Variants in ARSD observed in about 807,000 individuals in gnomAD.
ARSD encodes arylsulfatase D.
A neutral mutation model predicts 32.6 loss-of-function variants in ARSD; 21 were observed. The observed-to-expected ratio is 0.64, with a 90% CI of 0.46 to 0.93. The LOEUF (loss-of-function observed/expected upper bound fraction) is 0.93. Ranked by LOEUF, ARSD falls within the 40% of genes least tolerant of loss-of-function variation. ARSD has a pLI of 0.00. For synonymous variants in ARSD, 224 were observed against 237.4 expected, an observed-to-expected ratio of 0.94 and a Z score of 0.52; for missense variants, 454 against 520.9, an observed-to-expected ratio of 0.87 and a Z score of 1.25.
chrX:2,929,191 C>G, intron 1 of ARSD, 41 bp downstream of exon 1: 1 of 1,032,523 alleles, frequency 9.7e-7, no homozygotes, highest in South Asian at 2.8e-5. Flanking sequence ...AGGCCCCCAC[C>G]CTAGGCCTTA....
At chrX:2,917,780 C>G (rs1413113849) in intron 5 of ARSD, 24 bp downstream of exon 5, 1 of 1,188,706 alleles carries the variant, frequency 8.4e-7, no homozygotes, top group Non-Finnish European at 1.1e-6. Context: ...CCCATCTCCT[C>G]TTTAAGATGC....
In ARSD at chrX:2,917,888, C is replaced by G. The variant is rs1438788294; in HGVS notation, c.779G>C (p.Arg260Thr). ...GGGTTGCTCCGTGACGTCATGGTTT[C>G]TCATCAGGATACAGTTCCAGCGTCG... is the stretch of plus-strand genomic sequence containing the variant. ...FVRRWNCILM[R>T]NHDVTEQPMV... The change falls in exon 5 of 10, where the codon AGA (arginine) becomes ACA (threonine). Residue 260 changes from arginine to threonine, a missense_variant. Arg to Thr is a moderately conservative substitution (Grantham distance 71, BLOSUM62 -1). Transcript: ENST00000381154. The G allele has an allele frequency of 8.2e-7, 1 of 1,212,159 alleles. No individual in the cohort carries two copies. The highest frequency in any genetic ancestry group is 1.1e-6 in the Non-Finnish European group (1 of 895,483).
Position 2,917,995 on chromosome X carries a change from A to G in ARSD, c.672T>C (p.Ser224=), listed in dbSNP as rs755776843. The change falls in exon 5 of 10, where the codon TCT becomes TCC. Residue 224 remains serine, a synonymous_variant. Transcript: ENST00000381154. ...LAAGQTCGFF[S]VSARAVTGMA... ...TGCCGGTGACTGCTCTCGCGGAGAC[A>G]GAGAAGAAACCGCAGGTCTGGCCGG... is the stretch of plus-strand genomic sequence containing the variant. 5 of 1,209,804 alleles carry G rather than the reference A, an allele frequency of 4.1e-6. No homozygotes were observed. The highest frequency in any genetic ancestry group is 5.6e-6 in the Non-Finnish European group (5 of 894,375).
intron 2 of ARSD, among the ~76,000 whole-genome samples, chrX:2,922,868 AAAAG>A (rs1231080641): frequency 1.0e-5 from 1 of 95,824 alleles, no homozygotes; most frequent in African/African-American, 4.3e-5. Flanking sequence ...AAAAAAAAAA[AAAAG>A]AAAGAAAAGA....
At chrX:2,910,859 T>G (rs771498555) in intron 6 of ARSD, 66 bp from the exon 7 acceptor site, 55 of 1,132,802 alleles carry the variant, frequency 4.9e-5, no homozygotes, top group Non-Finnish European at 6.5e-5. Flanking sequence ...TCAATGCGCT[T>G]CTTCCTTTCT....
At chrX:2,922,556 C>T (rs188953283) in intron 2 of ARSD, among the ~76,000 whole-genome samples, 311 of 109,485 alleles carry the variant, frequency 2.8e-3, no homozygotes, top group Non-Finnish European at 4.7e-3. Flanking sequence ...CTGTGAGGGC[C>T]GGGCACGGTG....
Position 2,907,557 on chromosome X carries a change from C to G in ARSD, c.1496G>C (p.Gly499Ala). 2 of 1,156,334 alleles carry G rather than the reference C, an allele frequency of 1.7e-6. No homozygotes were observed. Among genetic ancestry groups the G allele is most frequent in the South Asian group, 2.0e-5 (1 of 48,783 alleles). Residue 499 changes from glycine to alanine, a missense_variant, in exon 10 of 10, where the codon GGC becomes GCC. Gly to Ala is a moderately conservative substitution (Grantham distance 60). Around this residue, in one of 3 missense-constraint regions of ARSD, gnomAD observed 179 missense variants for 198.5 expected, o/e 0.90. Coordinates refer to ENST00000381154, the MANE Select transcript of ARSD (RefSeq NM_001669.4). ...PEGAGACYGRGVCPCSGEGVT... is the reference protein window; with the variant it reads ...PEGAGACYGRAVCPCSGEGVT... ...GCCCTCCCCGGAGCATGGGCAGACGCCTCGGCCGTAGCAGGCCCCCGCTCC... is the reference window on the plus strand; with the variant it reads ...GCCCTCCCCGGAGCATGGGCAGACGGCTCGGCCGTAGCAGGCCCCCGCTCC...
At chrX:2,918,365 T>C in intron 4 of ARSD, 138 bp from the exon 5 acceptor site, 2 of 566,205 alleles carry the variant, frequency 3.5e-6, no homozygotes, top group Non-Finnish European at 5.5e-6. Flanking sequence ...AGGCAATGAA[T>C]GGATTGGATA....
chrX:2,923,121 AG>A, intron 2 of ARSD: 1 of 183,742 alleles, frequency 5.4e-6, no homozygotes, highest in Non-Finnish European at 1.0e-5. Context: ...GTGCTGAGAG[AG>A]TTGGAGGAGT....
intron 6 of ARSD, chrX:2,914,206 T>C: frequency 1.3e-6 from 1 of 754,361 alleles, no homozygotes; most frequent in Non-Finnish European, 1.6e-6. Context: ...ATGAGAGAAG[T>C]TTTTCTCCCT....
intron 9 of ARSD, 44 bp from the exon 10 acceptor site, chrX:2,907,676 C>G (rs1388182677): frequency 2.8e-6 from 3 of 1,088,305 alleles, no homozygotes; most frequent in Non-Finnish European, 3.6e-6. Flanking sequence ...GAAATCCACG[C>G]AGGTGTGAAC....
At chrX:2,927,945 C>G (rs1294600005) in intron 1 of ARSD, among the ~76,000 whole-genome samples, 1 of 112,032 alleles carries the variant, frequency 8.9e-6, no homozygotes, top group Admixed American at 9.5e-5. Flanking sequence ...TGTACCCGGG[C>G]CCTTGAGCCG....
intron 6 of ARSD, chrX:2,914,054 G>A (rs959198731): frequency 1.9e-4 from 123 of 640,666 alleles, no homozygotes; most frequent in Admixed American, 2.5e-4. Flanking sequence ...TGTGCAGCCT[G>A]CAGAACCGTG....
intron 3 of ARSD, 137 bp from the exon 4 acceptor site, chrX:2,920,860 G>GA: frequency 1.3e-6 from 1 of 789,427 alleles, no homozygotes; most frequent in Non-Finnish European, 1.8e-6. Flanking sequence ...CATCTATCAT[G>GA]TATGGAGCTA....
chrX:2,922,019 G>A lies in ARSD; in HGVS notation c.200C>T (p.Pro67Leu), dbSNP rs754641237. Residue 67 changes from proline to leucine, a missense_variant, in exon 3 of 10, where the codon CCG becomes CTG. Coordinates refer to ENST00000381154, the MANE Select transcript of ARSD (RefSeq NM_001669.4). ...TTCCTCTGCAAGCTGGTCAATATTC[G>A]GCGTTCTGAGCAAAGCACACAAATG... ...GCYGNNTLRT[P>L]NIDQLAEEGV... The A allele has an allele frequency of 1.4e-5, 17 of 1,200,327 alleles. No individual in the cohort carries two copies. The highest frequency in any genetic ancestry group is 6.6e-5 in the Admixed American group (3 of 45,128).
rs779209603 is a variant in ARSD, at chrX:2,909,911, G to A, written c.1204C>T (p.Leu402Phe). 72 of 1,208,292 alleles carry A rather than the reference G, an allele frequency of 6.0e-5. No homozygotes were observed. In the East Asian group the frequency reaches 2.0e-3, roughly 33 times the overall value. The part of the protein sequence containing the change: ...VPGIFHWPGV[L>F]PAGRVIGEPT... ...TCTCCAATCACTCGGCCGGCCGGGA[G>A]CACCCCCGGCCAGTGGAAGATCCCG... The change falls in exon 8 of 10, where the codon CTC (leucine) becomes TTC (phenylalanine). Residue 402 changes from leucine to phenylalanine, a missense_variant. Leu to Phe is a conservative substitution (Grantham distance 22). Transcript: ENST00000381154.
In ARSD at chrX:2,920,416, A is replaced by T. The variant is rs192948582; in HGVS notation, c.439+185T>A. 1,007 of 480,314 alleles carry T rather than the reference A, an allele frequency of 2.1e-3. 15 individuals carry two copies. In the East Asian group the frequency reaches 0.026, roughly 13 times the overall value. 39.6% of individuals were successfully genotyped at this position (480,314 alleles called of 1,213,427 possible). Reference sequence around the variant, plus strand: ...GACAGAGTCTCGCTTTGTCACCTAGACTGGAGTGCAGTGGTGTGATCTCGG... The same window carrying T: ...GACAGAGTCTCGCTTTGTCACCTAGTCTGGAGTGCAGTGGTGTGATCTCGG... On this transcript the variant is annotated intron_variant, in intron 4 of 9. Transcript: ENST00000381154.
rs199779868 is a variant in ARSD, at chrX:2,909,866, C to T, written c.1249G>A (p.Val417Met). The T allele has an allele frequency of 5.8e-5, 70 of 1,208,182 alleles. No homozygotes were observed. Among genetic ancestry groups the T allele is most frequent in the Middle Eastern group, 2.3e-4 (1 of 4,352 alleles). ...VIGEPTSLMD[V>M]FPTVVQLVGG... ...ACCAGCTGGACCACAGTAGGGAACA[C>T]GTCCATCAGGCTCGTGGGCTCTCCA... Residue 417 changes from valine (V) to methionine (M), a missense_variant, in exon 8 of 10, where the codon GTG becomes ATG. Around this residue, in one of 3 missense-constraint regions of ARSD, gnomAD observed 179 missense variants for 198.5 expected, o/e 0.90. Coordinates refer to ENST00000381154, the MANE Select transcript of ARSD (RefSeq NM_001669.4).
intron 6 of ARSD, chrX:2,914,695 C>T (rs2088937386): frequency 9.7e-7 from 1 of 1,027,813 alleles, no homozygotes; most frequent in Non-Finnish European, 1.3e-6. Context: ...AGAAGGAAGA[C>T]AGCGTGTCTG....
Sources: gnomAD v4.1 joint callset for allele counts (sites outside exome capture counted in the v4.1 genomes callset) on GRCh38, gnomAD v4.1.1 for gene constraint, gnomAD v4.1.1 regional missense constraint, MANE v1.5 for transcripts, NCBI Gene and HGNC (gene_info 2026-07-23, HGNC 2026-07-21) for gene names.